COBLL1: variants seen among roughly 807,000 people sequenced by gnomAD.
COBLL1 encodes the protein cordon-bleu protein-like 1.
In COBLL1, 50 loss-of-function variants were observed where a neutral mutation model predicts 94.8. That is an observed-to-expected ratio of 0.53 (90% CI 0.42 to 0.67). The LOEUF (loss-of-function observed/expected upper bound fraction) is 0.67, where lower values mean the gene tolerates loss of function less well. COBLL1 is among the 30% of genes least tolerant of loss of function. The pLI, the probability that COBLL1 is intolerant of heterozygous loss-of-function variation, is 0.00. For synonymous variants in COBLL1, 448 were observed against 473.8 expected (o/e 0.95, Z 0.71); for missense variants, 1,362 against 1,348.7 (o/e 1.01, Z -0.15).
At chr2:164,769,796 C>G (rs369645017) in intron 2 of COBLL1, among the ~76,000 whole-genome samples, 1 of 152,040 alleles carries the variant, frequency 6.6e-6, no homozygotes, top group Non-Finnish European at 1.5e-5. Flanking sequence ...TATACCCCCC[C>G]CAGAGCAAGC....
chr2:164,776,529 A>G (rs1688470817), intron 2 of COBLL1, among the ~76,000 whole-genome samples: 1 of 152,012 alleles, frequency 6.6e-6, no homozygotes, highest in African/African-American at 2.4e-5. Context: ...TTGCTAACCC[A>G]TCACCCTATT....
intron 9 of COBLL1, 77 bp downstream of exon 9, chr2:164,704,367 C>T (rs1010791425): frequency 6.3e-5 from 60 of 958,114 alleles, no homozygotes; most frequent in South Asian, 4.0e-4. Context: ...TACAAAGCAT[C>T]GCAAATGGAC....
At chr2:164,818,120 A>C (rs144549048) in intron 2 of COBLL1, among the ~76,000 whole-genome samples, 1 of 151,482 alleles carries the variant, frequency 6.6e-6, no homozygotes, top group African/African-American at 2.4e-5. Flanking sequence ...ACACGTGTGC[A>C]TGTACATATA....
intron 1 of COBLL1, among the ~76,000 whole-genome samples, chr2:164,669,714 A>G (rs1691216169): frequency 6.6e-6 from 1 of 152,240 alleles, no homozygotes; most frequent in South Asian, 2.1e-4. Context: ...ATCTGGTTCA[A>G]TTGATTCCAT....
chr2:164,818,553 ATATG>A (rs1214279594), intron 2 of COBLL1, among the ~76,000 whole-genome samples: 1 of 148,656 alleles, frequency 6.7e-6, no homozygotes, highest in Non-Finnish European at 1.5e-5. Context: ...ATATGTGTAC[ATATG>A]TACACATATA....
At chr2:164,814,337 A>G (rs777794278) in intron 2 of COBLL1, among the ~76,000 whole-genome samples, 2 of 152,180 alleles carry the variant, frequency 1.3e-5, no homozygotes, top group African/African-American at 2.4e-5. Flanking sequence ...AGGTCTTAAT[A>G]AACAATTGAT....
intron 2 of COBLL1, among the ~76,000 whole-genome samples, chr2:164,835,151 CT>C (rs1038539954): frequency 6.6e-5 from 10 of 152,084 alleles, no homozygotes; most frequent in Non-Finnish European, 1.5e-4. Context: ...ATGATCCAGA[CT>C]TTCTATTTCT....
At chr2:164,702,783 T>G (rs1684375014) in intron 9 of COBLL1, among the ~76,000 whole-genome samples, 1 of 151,956 alleles carries the variant, frequency 6.6e-6, no homozygotes, top group South Asian at 2.1e-4. Flanking sequence ...TAGCTGGTAT[T>G]TTAAGTGTGA....
At chr2:164,822,596 T>A (rs1280121915) in intron 2 of COBLL1, among the ~76,000 whole-genome samples, 2 of 152,060 alleles carry the variant, frequency 1.3e-5, no homozygotes, top group Non-Finnish European at 2.9e-5. Context: ...TTGGCTCTGG[T>A]CAAGAGAAGT....
intron 7 of COBLL1, among the ~76,000 whole-genome samples, chr2:164,708,277 C>G (rs1381855180): frequency 1.3e-5 from 2 of 152,144 alleles, no homozygotes; most frequent in Non-Finnish European, 2.9e-5. Flanking sequence ...GAGTTAAAGC[C>G]TGCCACCCAA....
Position 164,728,020 on chromosome 2 carries a change from A to G in COBLL1, c.610T>C (p.Ser204Pro). 6.2e-7 allele frequency: 1 copy of G among 1,613,742 alleles called. No individual in the cohort carries two copies. ...TCTCTTAGTCCCAGGTCATTAAGAG[A>G]TTTTGTCAAGTCAAGAGGCTCCTGC... ...QSQEPLDLTK[S>P]LNDLGLRELY... The change falls in exon 5 of 14, where the codon TCT (serine) becomes CCT (proline). Residue 204 changes from serine (S) to proline (P), a missense_variant. Physicochemically the swap from Ser to Pro is moderately conservative, Grantham distance 74. Transcript: ENST00000652658.
chr2:164,744,985 T>G lies in COBLL1; in HGVS notation c.42-1110A>C, dbSNP rs139203187. Among the ~76,000 whole-genome samples, 32 of 152,256 alleles carry G rather than the reference T, an allele frequency of 2.1e-4. 1 individual carries two copies. The East Asian group carries it at 5.8e-3, about 28-fold the overall frequency. On this transcript the variant is annotated intron_variant, in intron 2 of 13. Transcript: ENST00000652658. ...TTATTTAAAACACTGTGAATTAAAG[T>G]TTTTGAAACTATTACCTTTATAAAA...
rs146983191 is a variant in COBLL1, at chr2:164,695,407, G to T, written c.1985C>A (p.Thr662Asn). The T allele has an allele frequency of 1.1e-5, 18 of 1,613,826 alleles. No homozygotes were observed. The Admixed American group carries it at 3.0e-4, about 27-fold the overall frequency. ...CGGATCTTCTGAATGTATAATTAGG[G>T]TGCCTTGACTCCTGAATTCCCTTGA... is the stretch of plus-strand genomic sequence containing the variant. ...NTSREFRSQG[T>N]LIIHSEDPLT... The change falls in exon 12 of 14, where the codon ACC becomes AAC. Residue 662 changes from threonine to asparagine, a missense_variant. By Grantham distance (65) the Thr-to-Asn change is moderately conservative. Coordinates refer to ENST00000652658, the MANE Select transcript of COBLL1 (RefSeq NM_001365672.2).
Position 164,685,937 on chromosome 2 carries a change from GGGTAA to G in COBLL1, c.*4_*8del. The G allele has an allele frequency of 6.4e-7, 1 of 1,567,346 alleles. No homozygotes were observed. The highest frequency in any genetic ancestry group is 8.8e-7 in the Non-Finnish European group (1 of 1,139,296). ...GGAAGTGAAGTGCAGTGGTGTGGCA[GGGTAA>G]CATTTAATGGCCGTCCTGGGCATCA... On this transcript the variant is annotated 3_prime_UTR_variant, in exon 14 of 14. Coordinates refer to ENST00000652658, the MANE Select transcript of COBLL1 (RefSeq NM_001365672.2).
intron 2 of COBLL1, chr2:164,773,665 G>T (rs544353708): frequency 1.5e-5 from 13 of 841,548 alleles, no homozygotes; most frequent in Non-Finnish European, 2.0e-5. Flanking sequence ...GATTAGGAAA[G>T]GTTAAATTAT....
intron 2 of COBLL1, among the ~76,000 whole-genome samples, chr2:164,760,927 G>T (rs898947588): frequency 3.9e-5 from 6 of 151,946 alleles, no homozygotes; most frequent in African/African-American, 1.5e-4. Flanking sequence ...TGAAACCACC[G>T]AACTAAAATA....
intron 2 of COBLL1, among the ~76,000 whole-genome samples, chr2:164,814,971 A>G (rs539799928): frequency 6.6e-6 from 1 of 152,290 alleles, no homozygotes; most frequent in East Asian, 1.9e-4. Flanking sequence ...ATTCAATTTG[A>G]TAAGTTAACT....
intron 7 of COBLL1, among the ~76,000 whole-genome samples, chr2:164,714,154 AAC>A (rs10563101): frequency 0.25 from 37,730 of 148,116 alleles, 5,023 homozygotes; most frequent in African/African-American, 0.35. Context: ...AATAGAAAGA[AAC>A]ACACACACAC....
downstream of COBLL1, among the ~76,000 whole-genome samples, chr2:164,677,221 A>G (rs1048518768): frequency 6.6e-6 from 1 of 152,042 alleles, no homozygotes; most frequent in Non-Finnish European, 1.5e-5. Flanking sequence ...ATCTGTGCCC[A>G]TCGGAACTTG....
Sources: gnomAD v4.1 joint callset for allele counts (sites outside exome capture counted in the v4.1 genomes callset) on GRCh38, gnomAD v4.1.1 for gene constraint, MANE v1.5 for transcripts, NCBI Gene and HGNC (gene_info 2026-07-23, HGNC 2026-07-21) for gene names.